LARS2: variants seen among roughly 807,000 people sequenced by gnomAD.
LARS2 encodes leucine--tRNA ligase, mitochondrial.
LARS2 carries 81 observed loss-of-function variants against 116.6 expected under a neutral mutation model. The observed-to-expected ratio is 0.69, with a 90% confidence interval of 0.58 to 0.84. The LOEUF (loss-of-function observed/expected upper bound fraction) is 0.84. Ranked by LOEUF, LARS2 falls within the 40% of genes least tolerant of loss-of-function variation. LARS2 has a pLI of 0.00. For synonymous variants in LARS2, 396 were observed against 407.2 expected (o/e 0.97, Z 0.33); for missense variants, 968 against 1,114.5 (o/e 0.87, Z 1.87).
chr3:45,447,358 A>G (rs1472564215), intron 7 of LARS2, among the ~76,000 whole-genome samples: 1 of 152,202 alleles, frequency 6.6e-6, no homozygotes, highest in East Asian at 1.9e-4. Flanking sequence ...CTTGTGGGGT[A>G]CTATGGTTTG....
At chr3:45,389,275 A>G (rs1697897559) in intron 1 of LARS2, among the ~76,000 whole-genome samples, 2 of 150,674 alleles carry the variant, frequency 1.3e-5, no homozygotes, top group African/African-American at 2.4e-5. Flanking sequence ...CCTCCTACTC[A>G]GGAGAACAGA....
chr3:45,500,236 A>G (rs2125739988), intron 14 of LARS2, among the ~76,000 whole-genome samples: 1 of 152,344 alleles, frequency 6.6e-6, no homozygotes, highest in Non-Finnish European at 1.5e-5. Flanking sequence ...TCCTGACCTC[A>G]GGTGAGCCAC....
At chr3:45,418,825 C>T (rs973775197) in intron 5 of LARS2, among the ~76,000 whole-genome samples, 1 of 152,224 alleles carries the variant, frequency 6.6e-6, no homozygotes, top group Non-Finnish European at 1.5e-5. Flanking sequence ...CCCTTCTTGC[C>T]AGCAGATCAC....
chr3:45,473,081 A>G (rs1290926980), intron 8 of LARS2, among the ~76,000 whole-genome samples: 1 of 152,216 alleles, frequency 6.6e-6, no homozygotes, highest in African/African-American at 2.4e-5. Flanking sequence ...TGTGGAATAT[A>G]AAGAAAAATC....
At chr3:45,407,431 G>A (rs1698250286) in intron 4 of LARS2, among the ~76,000 whole-genome samples, 1 of 152,180 alleles carries the variant, frequency 6.6e-6, no homozygotes, top group Non-Finnish European at 1.5e-5. Flanking sequence ...CCAGTGCCTT[G>A]ACTGGAAACT....
intron 6 of LARS2, among the ~76,000 whole-genome samples, chr3:45,427,337 A>G (rs1468815617): frequency 6.6e-6 from 1 of 152,216 alleles, no homozygotes; most frequent in Non-Finnish European, 1.5e-5. Flanking sequence ...AGAATCACCA[A>G]GAGGGCTTGT....
chr3:45,410,863 G>A (rs182677467), intron 4 of LARS2, among the ~76,000 whole-genome samples: 39 of 152,262 alleles, frequency 2.6e-4, no homozygotes, highest in African/African-American at 7.7e-4. Context: ...TTGGCAGTTC[G>A]TACTAACACT....
chr3:45,465,860 C>T (rs920578791), intron 8 of LARS2, among the ~76,000 whole-genome samples: 1 of 152,218 alleles, frequency 6.6e-6, no homozygotes, highest in Non-Finnish European at 1.5e-5. Context: ...ATCATCATCT[C>T]ATTTCCCTTA....
At chr3:45,424,218 T>C (rs1698557316) in intron 6 of LARS2, among the ~76,000 whole-genome samples, 1 of 152,206 alleles carries the variant, frequency 6.6e-6, no homozygotes, top group African/African-American at 2.4e-5. Context: ...AATAAACGCA[T>C]TGTTAAGTTG....
intron 5 of LARS2, among the ~76,000 whole-genome samples, chr3:45,417,824 C>T (rs930671781): frequency 9.2e-5 from 14 of 151,948 alleles, no homozygotes; most frequent in African/African-American, 2.7e-4. Flanking sequence ...ATTTTTCCTT[C>T]GAGTATTTAC....
At chr3:45,488,883 G>T in intron 12 of LARS2, 71 bp downstream of exon 12, 1 of 980,906 alleles carries the variant, frequency 1.0e-6, no homozygotes, top group Non-Finnish European at 1.7e-6. Context: ...TCCTTCAGGT[G>T]CAAATTACAA....
At chr3:45,513,033 G>A (rs2125750555) in intron 15 of LARS2, 102 bp from the exon 16 acceptor site, 1 of 786,510 alleles carries the variant, frequency 1.3e-6, no homozygotes, top group Non-Finnish European at 2.3e-6. Context: ...CTTTTATGAG[G>A]GGCAGCTACT....
intron 8 of LARS2, among the ~76,000 whole-genome samples, chr3:45,466,226 G>A (rs2125713943): frequency 6.6e-6 from 1 of 152,302 alleles, no homozygotes; most frequent in South Asian, 2.1e-4. Context: ...TTCTTGAGGT[G>A]TCAGCCTGGA....
At chr3:45,468,629 C>T (rs1037469550) in intron 8 of LARS2, among the ~76,000 whole-genome samples, 1 of 152,202 alleles carries the variant, frequency 6.6e-6, no homozygotes, top group Non-Finnish European at 1.5e-5. Flanking sequence ...ATTTGAGAAC[C>T]TGTAGTCACC....
chr3:45,473,940 C>T (rs939927277), intron 8 of LARS2, among the ~76,000 whole-genome samples: 5 of 152,106 alleles, frequency 3.3e-5, no homozygotes, highest in African/African-American at 1.2e-4. Context: ...AGAGAATGTA[C>T]TAGACACACT....
intron 8 of LARS2, among the ~76,000 whole-genome samples, chr3:45,465,697 A>G (rs1162504825): frequency 6.6e-6 from 1 of 152,196 alleles, no homozygotes; most frequent in African/African-American, 2.4e-5. Context: ...TCGCTCTGGG[A>G]TTCAGAAACC....
chr3:45,452,297 C>T (rs1699143376), intron 7 of LARS2, among the ~76,000 whole-genome samples: 1 of 151,956 alleles, frequency 6.6e-6, no homozygotes, highest in Non-Finnish European at 1.5e-5. Flanking sequence ...AATTTTTTCC[C>T]ATTCAGTGTG....
chr3:45,477,146 A>G (rs1699627838), intron 10 of LARS2, among the ~76,000 whole-genome samples: 1 of 152,218 alleles, frequency 6.6e-6, no homozygotes, highest in Non-Finnish European at 1.5e-5. Flanking sequence ...TGAATGGATC[A>G]AGCTGACCTA....
chr3:45,448,266 G>C (rs1229775793), intron 7 of LARS2, among the ~76,000 whole-genome samples: 1 of 152,216 alleles, frequency 6.6e-6, no homozygotes, highest in East Asian at 1.9e-4. Flanking sequence ...ATGAGGAAAA[G>C]ACCAAAACAC....
Sources: gnomAD v4.1 joint callset for allele counts (sites outside exome capture counted in the v4.1 genomes callset) on GRCh38, gnomAD v4.1.1 for gene constraint, MANE v1.5 for transcripts, NCBI Gene and HGNC (gene_info 2026-07-23, HGNC 2026-07-21) for gene names.